Variants in SLC13A4 observed in about 807,000 individuals in gnomAD.
SLC13A4 encodes Na(+)/sulfate cotransporter SUT-1.
In SLC13A4, 28 loss-of-function variants were observed where a neutral mutation model predicts 72.7. The ratio of observed to expected loss-of-function variants is 0.39; its 90% CI spans 0.29 to 0.53. The LOEUF (loss-of-function observed/expected upper bound fraction) is 0.53, where lower values mean the gene tolerates loss of function less well. SLC13A4 is among the 20% of genes least tolerant of loss of function. SLC13A4 has a pLI of 0.78. For missense variants in SLC13A4, 653 were observed against 788.0 expected (o/e 0.83, Z 2.05); for synonymous variants, 312 against 325.5 (o/e 0.96, Z 0.45).
rs977064842 is a variant in SLC13A4 at position 135,701,949 on chromosome 7, G to C, written c.634-189C>G. ...CCTGCCCCGCCCAGCCTGGTGTCAA[G>C]TTCTCCACTTGAAGAGGCTTTGAAA... is the stretch of plus-strand genomic sequence containing the variant. On this transcript the variant is annotated intron_variant, in intron 6 of 15. Transcript: ENST00000682651. The C allele has an allele frequency of 2.0e-5, 11 of 544,176 alleles. No homozygotes were observed. The Admixed American group carries it at 4.1e-4, about 20-fold the overall frequency. The allele number at this position is 544,176 out of a possible 1,614,324, so 33.7% of individuals were successfully genotyped here.
chr7:135,712,461 T>TAA (rs539587817), intron 2 of SLC13A4, among the ~76,000 whole-genome samples: 3,559 of 122,910 alleles, frequency 0.029, 150 homozygotes, highest in African/African-American at 0.087. Context: ...TTTTCTCATC[T>TAA]AAAAAAAAAA....
In SLC13A4 at chr7:135,694,161, T is replaced by G; in HGVS notation, c.1097A>C (p.Glu366Ala). 2 of 1,611,464 alleles carry G rather than the reference T, an allele frequency of 1.2e-6. No individual in the cohort carries two copies. Among genetic ancestry groups the G allele is most frequent in the Non-Finnish European group, 1.7e-6 (2 of 1,177,582 alleles). The change falls in exon 10 of 16, where the codon GAA (glutamate) becomes GCA (alanine). Residue 366 changes from glutamate (E) to alanine (A), a missense_variant. By Grantham distance (107) the Glu-to-Ala change is moderately radical (BLOSUM62 -1). Transcript: ENST00000682651. ...EQLSEKRIQEEYEKLGDISYP... is the reference protein window; with the variant it reads ...EQLSEKRIQEAYEKLGDISYP... ...CCTAATGTCTCCCAGTTTTTCATATTCTTCTTGGATCCTCTTCTCTGACAA... is the reference window on the plus strand; with the variant it reads ...CCTAATGTCTCCCAGTTTTTCATATGCTTCTTGGATCCTCTTCTCTGACAA...
At chr7:135,709,964 A>G (rs1452152288) in intron 2 of SLC13A4, among the ~76,000 whole-genome samples, 1 of 152,314 alleles carries the variant, frequency 6.6e-6, no homozygotes, top group African/African-American at 2.4e-5. Flanking sequence ...GTTCCCTTCT[A>G]TATATCTTAA....
Position 135,725,592 on chromosome 7 carries a change from C to T in SLC13A4, c.99+1806G>A, listed in dbSNP as rs546523985. 5.3e-5 allele frequency among the ~76,000 whole-genome samples: 8 copies of T among 152,224 alleles called. No individual in the cohort carries two copies. The South Asian group carries it at 1.5e-3, about 28-fold the overall frequency. On this transcript the variant is annotated intron_variant, in intron 1 of 15. Transcript: ENST00000682651. ...CAAAACTGCAGGCCAGGAGCTCCTG[C>T]CCAGGTACTCCATCACTGCTCTCAA...
At chr7:135,684,483 A>G (rs1286589515) in intron 14 of SLC13A4, among the ~76,000 whole-genome samples, 2 of 151,996 alleles carry the variant, frequency 1.3e-5, no homozygotes, top group African/African-American at 4.8e-5. Flanking sequence ...GCTTTGAGTT[A>G]CTCCCTAGAA....
intron 1 of SLC13A4, 106 bp downstream of exon 1, chr7:135,727,292 A>C: frequency 7.1e-7 from 1 of 1,401,930 alleles, no homozygotes; most frequent in Non-Finnish European, 9.6e-7. Flanking sequence ...ACCCACCACA[A>C]GCCACTTTGA....
At chr7:135,726,553 G>A (rs955132004) in intron 1 of SLC13A4, among the ~76,000 whole-genome samples, 6 of 125,750 alleles carry the variant, frequency 4.8e-5, no homozygotes, top group African/African-American at 1.8e-4. Flanking sequence ...GCCACAGACA[G>A]GAGGAAGAGA....
chr7:135,709,182 C>T (rs1238565139), intron 2 of SLC13A4, among the ~76,000 whole-genome samples: 5 of 151,870 alleles, frequency 3.3e-5, no homozygotes, highest in African/African-American at 7.3e-5. Flanking sequence ...CCTCCTACCT[C>T]GGCCTCCCAA....
chr7:135,691,383 CAGG>C, intron 12 of SLC13A4, 58 bp from the exon 13 acceptor site: 1 of 1,588,858 alleles, frequency 6.3e-7, no homozygotes, highest in Non-Finnish European at 8.5e-7. Flanking sequence ...TTTGTGGAGA[CAGG>C]AGCCTAATTG....
At chr7:135,727,100 G>A (rs1796677828) in intron 1 of SLC13A4, among the ~76,000 whole-genome samples, 2 of 152,248 alleles carry the variant, frequency 1.3e-5, no homozygotes, top group Admixed American at 6.5e-5. Flanking sequence ...CGCTGCTGGG[G>A]CAGGCTGGCC....
At chr7:135,715,130 C>T (rs972824112) in intron 2 of SLC13A4, among the ~76,000 whole-genome samples, 2 of 149,492 alleles carry the variant, frequency 1.3e-5, no homozygotes, top group Non-Finnish European at 3.0e-5. Flanking sequence ...TGTGTGTATG[C>T]GTGTGTGAGA....
intron 1 of SLC13A4, 54 bp from the exon 2 acceptor site, chr7:135,721,577 C>G: frequency 6.2e-7 from 1 of 1,603,146 alleles, no homozygotes; most frequent in Non-Finnish European, 8.5e-7. Flanking sequence ...TGCCACTGAG[C>G]GTCCGGATGC....
chr7:135,715,032 ATG>A (rs1001207249), intron 2 of SLC13A4, among the ~76,000 whole-genome samples: 2 of 149,876 alleles, frequency 1.3e-5, no homozygotes, highest in Admixed American at 1.3e-4. Flanking sequence ...GTGAGTGTGA[ATG>A]TGTGTGAGGG....
intron 2 of SLC13A4, among the ~76,000 whole-genome samples, chr7:135,719,209 C>T (rs533061305): frequency 2.0e-5 from 3 of 152,324 alleles, no homozygotes; most frequent in Admixed American, 6.5e-5. Flanking sequence ...ACTCTCCTTA[C>T]GGGTTTGGCC....
At chr7:135,701,593 C>G in intron 7 of SLC13A4, 87 bp downstream of exon 7, 20 of 1,329,406 alleles carry the variant, frequency 1.5e-5, no homozygotes, top group Non-Finnish European at 2.1e-5. Context: ...TAGCCTGATT[C>G]CCTTACGACT....
chr7:135,722,067 AC>A (rs1368035524), intron 1 of SLC13A4, among the ~76,000 whole-genome samples: 1 of 151,844 alleles, frequency 6.6e-6, no homozygotes, highest in Admixed American at 6.6e-5. Context: ...ATATAGCAAG[AC>A]CCCATCTCTA....
Position 135,699,553 on chromosome 7 carries a change from C to T in SLC13A4, c.715-5G>A, listed in dbSNP as rs983176540. The stretch of plus-strand genomic sequence containing the variant: ...GGTCAGGACTTGTGGCTTTTCCTAA[C>T]GAAGGAAAATCAGCAAATCTGTCCA... On this transcript the variant is annotated splice_polypyrimidine_tract_variant and splice_region_variant and intron_variant, in intron 7 of 15. Transcript: ENST00000682651. 75 of 1,588,796 alleles carry T rather than the reference C, an allele frequency of 4.7e-5. No individual in the cohort carries two copies. Among genetic ancestry groups the T allele is most frequent in the Non-Finnish European group, 6.2e-5 (72 of 1,166,290 alleles).
At chr7:135,696,207 A>G (rs1795901345) in intron 8 of SLC13A4, among the ~76,000 whole-genome samples, 1 of 152,066 alleles carries the variant, frequency 6.6e-6, no homozygotes, top group African/African-American at 2.4e-5. Context: ...AAAACTCCTC[A>G]AGTTGTGAGA....
chr7:135,692,280 G>A (rs758647840), intron 11 of SLC13A4, 43 bp downstream of exon 11: 1 of 1,356,846 alleles, frequency 7.4e-7, no homozygotes, highest in Non-Finnish European at 1.1e-6. Flanking sequence ...CTGAAGAATT[G>A]GGGTGAGGGG....
Sources: gnomAD v4.1 joint callset for allele counts (sites outside exome capture counted in the v4.1 genomes callset) on GRCh38, gnomAD v4.1.1 for gene constraint, MANE v1.5 for transcripts, NCBI Gene and HGNC (gene_info 2026-07-23, HGNC 2026-07-21) for gene names.